NLGN1: variants seen among roughly 807,000 people sequenced by gnomAD.
NLGN1 encodes neuroligin 1.
A neutral mutation model predicts 65.5 loss-of-function variants in NLGN1; 12 were observed. The observed-to-expected ratio is 0.18, with a 90% CI of 0.12 to 0.30. The LOEUF is 0.30. NLGN1 is among the 10% of genes least tolerant of loss of function. The probability of loss-of-function intolerance (pLI) is 1.00; values close to 1 mark genes in which losing one functional copy is unlikely to be tolerated. For synonymous variants in NLGN1, 350 were observed against 359.5 expected (o/e 0.97, Z 0.30); for missense variants, 750 against 1,007.1 (o/e 0.74, Z 3.46).
At position 173,998,806 on chromosome 3, in the gene NLGN1, AC is replaced by A. The variant is rs561098972; in HGVS notation, c.646+190978del. On this transcript the variant is annotated intron_variant, in intron 4 of 6. Transcript: ENST00000457714. ...GATTCCAGTTATCTCAAAGCTATCA[AC>A]CCCTGAAATATTGGTGTGATTCGGA... Among the ~76,000 whole-genome samples the A allele has an allele frequency of 3.3e-5, 5 of 152,226 alleles. No homozygotes were observed. In the South Asian group the frequency reaches 6.2e-4, roughly 19 times the overall value.
At chr3:173,457,758 T>C (rs1427541660) in intron 2 of NLGN1, among the ~76,000 whole-genome samples, 1 of 152,036 alleles carries the variant, frequency 6.6e-6, no homozygotes, top group Non-Finnish European at 1.5e-5. Context: ...TCTTATGGGT[T>C]GAATATGAGG....
chr3:174,096,330 C>T (rs1745523069), intron 4 of NLGN1, among the ~76,000 whole-genome samples: 1 of 151,592 alleles, frequency 6.6e-6, no homozygotes, highest in South Asian at 2.1e-4. Flanking sequence ...CCCTTGGTGA[C>T]CCATGAAGGG....
chr3:173,821,287 A>G (rs1433579179), intron 4 of NLGN1, among the ~76,000 whole-genome samples: 1 of 152,172 alleles, frequency 6.6e-6, no homozygotes, highest in Non-Finnish European at 1.5e-5. Context: ...TTACTGGAGA[A>G]GTCAGTTCTC....
chr3:173,937,942 TGTA>T (rs1745340489), intron 4 of NLGN1, among the ~76,000 whole-genome samples: 1 of 152,210 alleles, frequency 6.6e-6, no homozygotes, highest in Admixed American at 6.6e-5. Flanking sequence ...GACCCAATAA[TGTA>T]GTTGTTCTGA....
At chr3:173,729,495 C>T (rs770795934) in intron 3 of NLGN1, among the ~76,000 whole-genome samples, 55 of 151,740 alleles carry the variant, frequency 3.6e-4, no homozygotes, top group Non-Finnish European at 6.6e-4. Context: ...ACATAAGTTG[C>T]GTGGATGGTT....
chr3:173,456,813 C>G (rs1722583917), intron 2 of NLGN1, among the ~76,000 whole-genome samples: 1 of 152,048 alleles, frequency 6.6e-6, no homozygotes. Flanking sequence ...TCACTGGTGT[C>G]CTTTGGAGCT....
At chr3:174,200,798 T>C (rs544100743) in intron 4 of NLGN1, among the ~76,000 whole-genome samples, 1 of 152,332 alleles carries the variant, frequency 6.6e-6, no homozygotes, top group African/African-American at 2.4e-5. Context: ...AACAGACCAG[T>C]TATTCCTCCT....
chr3:173,569,174 T>C (rs1371045607), intron 2 of NLGN1, among the ~76,000 whole-genome samples: 1 of 152,184 alleles, frequency 6.6e-6, no homozygotes. Flanking sequence ...GAAAATGTGT[T>C]TTATTAGACA....
chr3:173,633,563 C>A (rs567302435), intron 3 of NLGN1, among the ~76,000 whole-genome samples: 10 of 152,204 alleles, frequency 6.6e-5, no homozygotes, highest in African/African-American at 1.4e-4. Context: ...ATGGAAAGAA[C>A]CTCAGAAATA....
intron 2 of NLGN1, among the ~76,000 whole-genome samples, chr3:173,572,516 T>C (rs1160252960): frequency 2.0e-5 from 3 of 152,220 alleles, no homozygotes; most frequent in African/African-American, 7.2e-5. Flanking sequence ...TTGCTTGCAA[T>C]TTCTGGATGA....
At chr3:173,649,551 G>A (rs1228767777) in intron 3 of NLGN1, among the ~76,000 whole-genome samples, 1 of 152,028 alleles carries the variant, frequency 6.6e-6, no homozygotes, top group African/African-American at 2.4e-5. Flanking sequence ...CAAATGAAAT[G>A]CCATAAGATT....
chr3:174,143,680 C>A (rs1722695877), intron 4 of NLGN1, among the ~76,000 whole-genome samples: 1 of 152,112 alleles, frequency 6.6e-6, no homozygotes, highest in Non-Finnish European at 1.5e-5. Context: ...GGCAAAACCA[C>A]AGAGAAATAG....
At chr3:173,539,766 C>T (rs1050983609) in intron 2 of NLGN1, among the ~76,000 whole-genome samples, 1 of 109,060 alleles carries the variant, frequency 9.2e-6, no homozygotes, top group African/African-American at 4.0e-5. Context: ...TATACATGTA[C>T]ATATATAACA....
Position 173,717,844 on chromosome 3 carries a change from A to G in NLGN1, c.494-89836A>G, listed in dbSNP as rs1481195450. On this transcript the variant is annotated intron_variant, in intron 3 of 6. Coordinates refer to ENST00000457714, the Ensembl canonical transcript of NLGN1. ...TACCCCATAAATATATAAACCTACT[A>G]TGTACCCCCAAAAATTAAAAATAAA... Among the ~76,000 whole-genome samples the G allele has an allele frequency of 7.9e-5, 12 of 152,278 alleles. No homozygotes were observed. The East Asian group carries it at 1.2e-3, about 15-fold the overall frequency.
At chr3:173,663,911 T>C (rs1761325914) in intron 3 of NLGN1, among the ~76,000 whole-genome samples, 1 of 151,808 alleles carries the variant, frequency 6.6e-6, no homozygotes, top group Admixed American at 6.6e-5. Context: ...GAATCCTGCC[T>C]GATGAGTAGG....
At chr3:173,632,389 G>A (rs188936993) in intron 3 of NLGN1, among the ~76,000 whole-genome samples, 3 of 152,254 alleles carry the variant, frequency 2.0e-5, no homozygotes, top group Admixed American at 6.5e-5. Context: ...ATCAAGTGAC[G>A]AAGTTCATCT....
chr3:173,490,721 C>G (rs1206870624), intron 2 of NLGN1, among the ~76,000 whole-genome samples: 2 of 152,136 alleles, frequency 1.3e-5, no homozygotes, highest in Non-Finnish European at 2.9e-5. Context: ...TCTTCCTATC[C>G]ATGAGCATGG....
At chr3:173,647,122 T>C (rs1758391652) in intron 3 of NLGN1, among the ~76,000 whole-genome samples, 1 of 152,098 alleles carries the variant, frequency 6.6e-6, no homozygotes, top group East Asian at 1.9e-4. Flanking sequence ...GATAAAGGGG[T>C]TAATCCATCA....
intron 3 of NLGN1, among the ~76,000 whole-genome samples, chr3:173,717,290 T>G (rs1770018995): frequency 6.6e-6 from 1 of 152,172 alleles, no homozygotes; most frequent in Non-Finnish European, 1.5e-5. Flanking sequence ...TTGAAAATTT[T>G]TTGAAAAAAT....
Sources: allele counts gnomAD v4.1 joint callset (sites outside exome capture counted in the v4.1 genomes callset), GRCh38; gene constraint gnomAD v4.1.1; transcripts MANE v1.5; gene names NCBI Gene and HGNC (gene_info 2026-07-23, HGNC 2026-07-21).